The following DLG1 variants were observed in gnomAD, a reference collection of about 807,000 sequenced individuals.
DLG1 encodes the protein discs large MAGUK scaffold protein 1, also known as disks large homolog 1.
In DLG1, 42 loss-of-function variants were observed where a neutral mutation model predicts 123.4. That is an observed-to-expected ratio of 0.34 (90% CI 0.27 to 0.44). DLG1 has a LOEUF of 0.44. DLG1 is among the 20% of genes least tolerant of loss of function. The pLI is 1.00. For synonymous variants in DLG1, 317 were observed against 356.2 expected (o/e 0.89, Z 1.24); for missense variants, 942 against 1,082.6 (o/e 0.87, Z 1.82).
chr3:197,285,092 T>C (rs1372452366), intron 3 of DLG1, among the ~76,000 whole-genome samples: 5 of 151,538 alleles, frequency 3.3e-5, no homozygotes, highest in Non-Finnish European at 7.4e-5. Flanking sequence ...TTCAAATATA[T>C]AATTTTCTTT....
chr3:197,265,554 T>C (rs1761322070), intron 4 of DLG1, among the ~76,000 whole-genome samples: 1 of 152,086 alleles, frequency 6.6e-6, no homozygotes, highest in Non-Finnish European at 1.5e-5. Context: ...GCTCCAGAGA[T>C]CTGCAGAGTT....
At chr3:197,271,542 G>A (rs531899844) in intron 4 of DLG1, among the ~76,000 whole-genome samples, 5 of 152,236 alleles carry the variant, frequency 3.3e-5, no homozygotes, top group Admixed American at 6.5e-5. Context: ...GTTAAAAACA[G>A]ACACCTAACA....
intron 4 of DLG1, among the ~76,000 whole-genome samples, chr3:197,215,871 C>T (rs1424460664): frequency 2.0e-5 from 3 of 152,030 alleles, no homozygotes; most frequent in South Asian, 2.1e-4. Context: ...AGGTATTACT[C>T]TTTTATTATT....
At chr3:197,083,191 G>A (rs953505497) in intron 16 of DLG1, among the ~76,000 whole-genome samples, 9 of 152,006 alleles carry the variant, frequency 5.9e-5, no homozygotes, top group East Asian at 1.9e-4. Context: ...TTATAAGCCC[G>A]AAAATCATAA....
chr3:197,255,717 A>C (rs535926620), intron 4 of DLG1, among the ~76,000 whole-genome samples: 1 of 152,134 alleles, frequency 6.6e-6, no homozygotes, highest in South Asian at 2.1e-4. Context: ...AATTAATCAT[A>C]TATACTGCAT....
intron 4 of DLG1, among the ~76,000 whole-genome samples, chr3:197,201,503 C>A (rs1420915813): frequency 1.3e-5 from 2 of 152,198 alleles, no homozygotes; most frequent in Non-Finnish European, 2.9e-5. Flanking sequence ...CAGTAGTGTT[C>A]CTATCCACCA....
rs909224074 is a variant in DLG1, at chr3:197,042,739, C to T, written c.*1884G>A. ...CAGTTTTCTTCATACTAGTGTGTTT[C>T]TATGTGGTTAACAACCTACGACATT... On this transcript the variant is annotated 3_prime_UTR_variant, in exon 25 of 25. Transcript: ENST00000667157. 3.3e-5 allele frequency: 5 copies of T among 152,172 alleles called. No homozygotes were observed. Among genetic ancestry groups the T allele is most frequent in the Admixed American group, 2.6e-4 (4 of 15,268 alleles). 9.4% of individuals were successfully genotyped at this position (152,172 alleles called of 1,614,324 possible).
intron 4 of DLG1, among the ~76,000 whole-genome samples, chr3:197,230,168 A>G (rs991562127): frequency 2.0e-5 from 3 of 152,242 alleles, no homozygotes; most frequent in Non-Finnish European, 4.4e-5. Context: ...TCAGTACTGT[A>G]TAACAAAATA....
chr3:197,103,686 A>G (rs1764766766), intron 14 of DLG1, among the ~76,000 whole-genome samples: 1 of 150,756 alleles, frequency 6.6e-6, no homozygotes, highest in South Asian at 2.1e-4. Context: ...TCCCATACTT[A>G]AGAAAGACCA....
Position 197,138,874 on chromosome 3 carries a change from T to C in DLG1, c.714-483A>G, listed in dbSNP as rs146125260. 1.3e-4 allele frequency among the ~76,000 whole-genome samples: 20 copies of C among 152,226 alleles called. No individual in the cohort carries two copies. The East Asian group carries it at 3.9e-3, about 29-fold the overall frequency. ...AATAACTTTCCTAAGGCCACCCAGATAATAAGTGACAGAGCTGTGATTCAA... is the reference window on the plus strand; with the variant it reads ...AATAACTTTCCTAAGGCCACCCAGACAATAAGTGACAGAGCTGTGATTCAA... On this transcript the variant is annotated intron_variant, in intron 8 of 24. Transcript: ENST00000667157.
At chr3:197,197,369 T>C (rs935159874) in intron 4 of DLG1, among the ~76,000 whole-genome samples, 2 of 152,240 alleles carry the variant, frequency 1.3e-5, no homozygotes, top group South Asian at 4.1e-4. Context: ...CACTGGGATT[T>C]GCAAAAATTG....
intron 5 of DLG1, among the ~76,000 whole-genome samples, chr3:197,188,035 TACC>T (rs201215982): frequency 1.0e-3 from 157 of 152,022 alleles, no homozygotes; most frequent in African/African-American, 3.3e-3. Flanking sequence ...CACCATCCAC[TACC>T]ACCACCACCA....
intron 4 of DLG1, among the ~76,000 whole-genome samples, chr3:197,241,193 GACA>G (rs1415525216): frequency 6.6e-6 from 1 of 152,054 alleles, no homozygotes; most frequent in African/African-American, 2.4e-5. Context: ...TACCTTGTAT[GACA>G]ACAGACTTCT....
intron 12 of DLG1, among the ~76,000 whole-genome samples, chr3:197,116,938 T>C (rs1432780304): frequency 2.0e-5 from 3 of 152,212 alleles, no homozygotes; most frequent in African/African-American, 7.2e-5. Flanking sequence ...ATTCCGGATT[T>C]ACTGTTCCCA....
chr3:197,244,623 G>A (rs1474436840), intron 4 of DLG1, among the ~76,000 whole-genome samples: 2 of 151,930 alleles, frequency 1.3e-5, no homozygotes, highest in South Asian at 2.1e-4. Context: ...TAGCTTGGTA[G>A]GAATTGGTCT....
intron 4 of DLG1, among the ~76,000 whole-genome samples, chr3:197,280,859 T>A (rs143524066): frequency 6.6e-6 from 1 of 152,182 alleles, no homozygotes; most frequent in Non-Finnish European, 1.5e-5. Context: ...GCTGCATACC[T>A]GAGACTGGGT....
chr3:197,264,443 G>A (rs1012897876), intron 4 of DLG1, among the ~76,000 whole-genome samples: 6 of 152,226 alleles, frequency 3.9e-5, no homozygotes, highest in African/African-American at 1.4e-4. Context: ...TGTTTTTTGA[G>A]ATGGAGTTTC....
intron 5 of DLG1, among the ~76,000 whole-genome samples, chr3:197,186,446 TTC>T (rs1433785727): frequency 6.6e-6 from 1 of 152,196 alleles, no homozygotes; most frequent in Non-Finnish European, 1.5e-5. Flanking sequence ...ACAAAGAATA[TTC>T]TTTTTTCCGT....
chr3:197,094,956 G>A (rs1224131061), intron 14 of DLG1, among the ~76,000 whole-genome samples: 1 of 152,054 alleles, frequency 6.6e-6, no homozygotes, highest in African/African-American at 2.4e-5. Flanking sequence ...ATTTTGAAGT[G>A]TAGTTTGAAA....
Sources: gnomAD v4.1 joint callset for allele counts (sites outside exome capture counted in the v4.1 genomes callset) on GRCh38, gnomAD v4.1.1 for gene constraint, MANE v1.5 for transcripts, NCBI Gene and HGNC (gene_info 2026-07-23, HGNC 2026-07-21) for gene names.